The following RHCE variants were observed in gnomAD, a reference collection of about 807,000 sequenced individuals.
RHCE encodes Rh blood group CcEe antigens, also known as blood group Rh(CE) polypeptide.
RHCE carries 22 observed loss-of-function variants against 43.8 expected under a neutral mutation model. That is an observed-to-expected ratio of 0.50 (90% CI 0.36 to 0.72). The LOEUF (loss-of-function observed/expected upper bound fraction) is 0.72, where lower values mean the gene tolerates loss of function less well. Among genes scored for constraint, RHCE ranks in the 30% least tolerant of loss-of-function variants. The probability of loss-of-function intolerance (pLI) is 0.00; values close to 1 mark genes in which losing one functional copy is unlikely to be tolerated. For synonymous variants in RHCE, 156 were observed against 210.7 expected (o/e 0.74, Z 2.25); for missense variants, 385 against 525.4 (o/e 0.73, Z 2.61).
chr1:25,394,200 C>A (rs1201611696), intron 3 of RHCE, among the ~76,000 whole-genome samples: 1 of 151,966 alleles, frequency 6.6e-6, no homozygotes, highest in Non-Finnish European at 1.5e-5. Flanking sequence ...TGTTCCCCAG[C>A]CTGGTCTCGA....
chr1:25,397,727 G>A (rs548986573), intron 3 of RHCE, among the ~76,000 whole-genome samples: 9 of 150,290 alleles, frequency 6.0e-5, no homozygotes, highest in Non-Finnish European at 1.0e-4. Flanking sequence ...CTTCCCTCTC[G>A]GCTCCTTGAC....
intron 1 of RHCE, among the ~76,000 whole-genome samples, chr1:25,413,583 C>T (rs898334242): frequency 2.6e-5 from 4 of 152,098 alleles, no homozygotes; most frequent in Non-Finnish European, 5.9e-5. Flanking sequence ...AGCCTCATGA[C>T]TTGCAGAAAG....
intron 2 of RHCE, chr1:25,428,840 A>G (rs2042824974): frequency 6.6e-6 from 1 of 152,342 alleles, no homozygotes; most frequent in South Asian, 2.1e-4. Context: ...CTTGCCTAAG[A>G]AACCACACAC....
At chr1:25,393,103 A>G (rs74060767) in intron 3 of RHCE, among the ~76,000 whole-genome samples, 1,995 of 152,296 alleles carry the variant, frequency 0.013, 40 homozygotes, top group African/African-American at 0.045. Context: ...GTAATGCTTC[A>G]TAACTTATTT....
At chr1:25,427,186 G>A (rs115367958) in intron 2 of RHCE, among the ~76,000 whole-genome samples, 1,543 of 152,280 alleles carry the variant, frequency 0.01, 29 homozygotes, top group African/African-American at 0.034. Flanking sequence ...GTGGGCTTGC[G>A]GGGATTGAAC....
intron 1 of RHCE, among the ~76,000 whole-genome samples, chr1:25,413,023 CA>C (rs971258259): frequency 6.7e-6 from 1 of 149,750 alleles, no homozygotes; most frequent in African/African-American, 2.5e-5. Context: ...GACTCCGGCT[CA>C]AAAAAAAAGA....
chr1:25,402,312 C>T (rs1213780229), intron 3 of RHCE, among the ~76,000 whole-genome samples: 1 of 152,068 alleles, frequency 6.6e-6, no homozygotes. Flanking sequence ...CTCCTGGGCT[C>T]AAGCAATCCT....
At chr1:25,377,667 G>A (rs753359350) in intron 7 of RHCE, among the ~76,000 whole-genome samples, 3 of 152,174 alleles carry the variant, frequency 2.0e-5, no homozygotes, top group Non-Finnish European at 4.4e-5. Context: ...AGGCCAAGGT[G>A]GGCCAAAGTT....
chr1:25,368,957 C>T (rs568851792), intron 9 of RHCE, among the ~76,000 whole-genome samples: 1 of 151,854 alleles, frequency 6.6e-6, no homozygotes, highest in Admixed American at 6.5e-5. Flanking sequence ...GACGGGGTTT[C>T]ACCGGGTTGC....
intron 3 of RHCE, 76 bp from the exon 4 acceptor site, chr1:25,392,217 A>T: frequency 1.2e-6 from 2 of 1,611,372 alleles, no homozygotes; most frequent in Non-Finnish European, 1.7e-6. Context: ...TCCTTGGAGA[A>T]AGTTCAGAGC....
At chr1:25,402,203 T>C (rs1227375311) in intron 3 of RHCE, among the ~76,000 whole-genome samples, 1 of 137,024 alleles carries the variant, frequency 7.3e-6, no homozygotes, top group Non-Finnish European at 1.6e-5. Context: ...TGTCTGTCTG[T>C]CTGTCTATCT....
chr1:25,426,632 C>T lies in RHCE; in HGVS notation c.-40+2321G>A, dbSNP rs535867763. On this transcript the variant is annotated intron_variant, in intron 2 of 11. Coordinates refer to the RHCE transcript ENST00000349320. ...TATCTGATACTTGGAGTGGCGGCTG[C>T]CATAGTTAGTGCTGTGTATAATCAT... Among the ~76,000 whole-genome samples the T allele has an allele frequency of 3.1e-3, 473 of 152,274 alleles. 3 individuals carry two copies. Among genetic ancestry groups the T allele is most frequent in the African/African-American group, 0.011 (459 of 41,556 alleles).
intron 8 of RHCE, 78 bp from the exon 9 acceptor site, chr1:25,370,618 T>C: frequency 7.6e-7 from 1 of 1,323,366 alleles, no homozygotes; most frequent in Non-Finnish European, 1.1e-6. Context: ...AAATATTGTG[T>C]GTGTCAAAAC....
At chr1:25,379,493 ATATTTTTTTT>A (rs1310758899) in intron 7 of RHCE, among the ~76,000 whole-genome samples, 12 of 17,892 alleles carry the variant, frequency 6.7e-4, no homozygotes, top group African/African-American at 4.5e-3. Context: ...ATATATATAT[ATATTTTTTTT>A]TTTTTTTTTT....
At chr1:25,402,194 G>GTCTATCTA (rs1425836561) in intron 3 of RHCE, among the ~76,000 whole-genome samples, 10 of 136,926 alleles carry the variant, frequency 7.3e-5, no homozygotes, top group African/African-American at 2.7e-4. Flanking sequence ...CTGTCTGTCT[G>GTCTATCTA]TCTGTCTGTC....
At chr1:25,417,215 G>T (rs776242367) in intron 1 of RHCE, among the ~76,000 whole-genome samples, 1 of 151,494 alleles carries the variant, frequency 6.6e-6, no homozygotes, top group Non-Finnish European at 1.5e-5. Context: ...TATATCGTAA[G>T]ATATTCATGC....
rs1005226207 is a variant in RHCE at position 25,402,593 on chromosome 1, C to T, written c.486+3G>A. The T allele has an allele frequency of 5.6e-6, 9 of 1,613,916 alleles. No individual in the cohort carries two copies. The African/African-American group carries it at 1.2e-4, about 22-fold the overall frequency. ...GGTCCCTCCTCCCAGCACCATGACT[C>T]ACGTTGAAGATATTACTGATGACCA... On this transcript the variant is annotated splice_donor_region_variant and intron_variant, in intron 3 of 9. Transcript: ENST00000294413.
chr1:25,420,270 G>A (rs769009872), intron 1 of RHCE, among the ~76,000 whole-genome samples: 15 of 152,178 alleles, frequency 9.9e-5, no homozygotes, highest in Non-Finnish European at 2.1e-4. Flanking sequence ...TAAGCTAGCT[G>A]CACTTGTATC....
chr1:25,406,727 G>A lies in RHCE; in HGVS notation c.335+1956C>T, dbSNP rs1427085891. 4.2e-4 allele frequency among the ~76,000 whole-genome samples: 50 copies of A among 117,744 alleles called. 7 individuals carry two copies. Among genetic ancestry groups the A allele is most frequent in the African/African-American group, 9.1e-4 (35 of 38,534 alleles). The allele number at this position is 117,744 out of a possible 152,430, so 77.2% of individuals were successfully genotyped here. A position where few individuals can be genotyped will look rare whatever the true frequency, so the allele number is the denominator to read the frequency against. ...TGCAAACTCCGCCTCCAAGGTTCACGCCATTCTCCTGCCTCAGCCTCCCGA... is the reference window on the plus strand; with the variant it reads ...TGCAAACTCCGCCTCCAAGGTTCACACCATTCTCCTGCCTCAGCCTCCCGA... On this transcript the variant is annotated intron_variant, in intron 2 of 9. Coordinates refer to ENST00000294413, the MANE Select transcript of RHCE (RefSeq NM_020485.8).
Sources: gnomAD v4.1 joint callset for allele counts (sites outside exome capture counted in the v4.1 genomes callset) on GRCh38, gnomAD v4.1.1 for gene constraint, MANE v1.5 for transcripts, NCBI Gene and HGNC (gene_info 2026-07-23, HGNC 2026-07-21) for gene names.